Variants in DPP6 observed in about 807,000 individuals in gnomAD.
The protein encoded by DPP6 is dipeptidyl peptidase like 6.
Under a neutral mutation model 122.6 loss-of-function variants are expected in DPP6, and 69 were observed. The ratio of observed to expected loss-of-function variants is 0.56; its 90% CI spans 0.46 to 0.69. DPP6 has a LOEUF of 0.69. Ranked by LOEUF, DPP6 falls within the 30% of genes least tolerant of loss-of-function variation. The pLI, the probability that DPP6 is intolerant of heterozygous loss-of-function variation, is 0.00. For missense variants in DPP6, 928 were observed against 1,116.9 expected, an observed-to-expected ratio of 0.83 and a Z score of 2.41; for synonymous variants, 418 against 433.1, an observed-to-expected ratio of 0.97 and a Z score of 0.43.
chr7:154,450,933 C>T (rs1820307096), intron 2 of DPP6, among the ~76,000 whole-genome samples: 1 of 152,120 alleles, frequency 6.6e-6, no homozygotes, highest in Non-Finnish European at 1.5e-5. Flanking sequence ...ACTGCAGATT[C>T]GATCTTGTGG....
At chr7:153,865,982 C>T in the DPP6 span, among the ~76,000 whole-genome samples, 3 of 152,070 alleles carry the variant, frequency 2.0e-5, no homozygotes, top group East Asian at 3.9e-4. Flanking sequence ...GGACATGAAC[C>T]CATCATTTTT....
At chr7:153,770,219 T>C in the DPP6 span, among the ~76,000 whole-genome samples, 2 of 152,092 alleles carry the variant, frequency 1.3e-5, no homozygotes, top group African/African-American at 2.4e-5. Flanking sequence ...TGAATACTCA[T>C]TGCAACTGGT....
At chr7:154,319,030 G>GC (rs1807686296) in intron 1 of DPP6, among the ~76,000 whole-genome samples, 1 of 152,166 alleles carries the variant, frequency 6.6e-6, no homozygotes, top group African/African-American at 2.4e-5. Flanking sequence ...TCTTTATGTG[G>GC]CCCCCAGGGC....
intron 7 of DPP6, among the ~76,000 whole-genome samples, chr7:154,704,258 A>G (rs1352299093): frequency 2.0e-5 from 3 of 152,256 alleles, no homozygotes; most frequent in Non-Finnish European, 4.4e-5. Context: ...CTACAGTCTC[A>G]GGATAAAACT....
intron 5 of DPP6, among the ~76,000 whole-genome samples, chr7:154,585,360 C>T (rs1236293842): frequency 6.6e-6 from 1 of 152,230 alleles, no homozygotes; most frequent in African/African-American, 2.4e-5. Flanking sequence ...AAAAACCCAA[C>T]AGACTTTCAT....
At chr7:153,832,177 C>T in the DPP6 span, among the ~76,000 whole-genome samples, 2 of 152,296 alleles carry the variant, frequency 1.3e-5, 1 homozygote, top group South Asian at 4.1e-4. Flanking sequence ...ATAATCAAAA[C>T]TTATGGTTGT....
At position 154,758,329 on chromosome 7, in the gene DPP6, C is replaced by T. The variant is rs192129042; in HGVS notation, c.884-11088C>T. ...TGTAGGACCACATGCCTTGTATGTC[C>T]CATTACATTGAAATCTTTTCAGACT... On this transcript the variant is annotated intron_variant, in intron 8 of 25. Transcript: ENST00000377770. 1.5e-4 allele frequency among the ~76,000 whole-genome samples: 23 copies of T among 152,126 alleles called. No individual in the cohort carries two copies. The East Asian group carries it at 4.1e-3, about 27-fold the overall frequency.
chr7:154,500,619 C>T (rs1379726614), intron 3 of DPP6, among the ~76,000 whole-genome samples: 1 of 152,190 alleles, frequency 6.6e-6, no homozygotes, highest in African/African-American at 2.4e-5. Flanking sequence ...TTGACCGCTG[C>T]CATATGAGAC....
chr7:154,694,473 A>G (rs1221179244), intron 7 of DPP6, among the ~76,000 whole-genome samples: 2 of 152,156 alleles, frequency 1.3e-5, no homozygotes, highest in Admixed American at 6.5e-5. Context: ...TTAGCCAGGC[A>G]TGGTGGCGGG....
At chr7:154,458,537 A>G (rs765196823) in intron 2 of DPP6, among the ~76,000 whole-genome samples, 2 of 152,216 alleles carry the variant, frequency 1.3e-5, no homozygotes, top group Non-Finnish European at 2.9e-5. Context: ...TGACACTTGT[A>G]TTTGGGCCCA....
chr7:154,720,453 C>A (rs181949224), intron 7 of DPP6, among the ~76,000 whole-genome samples: 1 of 152,358 alleles, frequency 6.6e-6, no homozygotes, highest in African/African-American at 2.4e-5. Context: ...GAGACCTGAG[C>A]ATTTACCTTG....
At chr7:154,710,163 G>A (rs1315691528) in intron 7 of DPP6, among the ~76,000 whole-genome samples, 1 of 152,210 alleles carries the variant, frequency 6.6e-6, no homozygotes, top group African/African-American at 2.4e-5. Flanking sequence ...ATCCACAAGT[G>A]GGTGTGGAAT....
chr7:153,968,628 A>C (rs1795871658), intron 1 of DPP6: 1 of 151,658 alleles, frequency 6.6e-6, no homozygotes, highest in African/African-American at 2.4e-5. Flanking sequence ...CTAGCTCCTG[A>C]AAACCACTAT....
chr7:154,307,339 T>C (rs11763405), intron 1 of DPP6, among the ~76,000 whole-genome samples: 4,078 of 152,238 alleles, frequency 0.027, 48 homozygotes, highest in Middle Eastern at 0.068. Context: ...TAAACTGATA[T>C]AAAACTGAAG....
chr7:154,177,487 C>T (rs1797862862), intron 1 of DPP6, among the ~76,000 whole-genome samples: 1 of 152,146 alleles, frequency 6.6e-6, no homozygotes, highest in Non-Finnish European at 1.5e-5. Context: ...CTGAGGAAAG[C>T]CAAAGAGGAG....
intron 17 of DPP6, among the ~76,000 whole-genome samples, chr7:154,862,247 A>G (rs1039485290): frequency 2.0e-5 from 3 of 152,230 alleles, no homozygotes; most frequent in African/African-American, 7.2e-5. Context: ...TGAAAGAGGC[A>G]CAGGAAAGGA....
Position 154,013,341 on chromosome 7 carries a change from T to G in DPP6, c.51+125607T>G, listed in dbSNP as rs1318317592. On this transcript the variant is annotated intron_variant, in intron 1 of 25. Transcript: ENST00000404039. ...TTTTAATCATTCGATGTTAGATGTA[T>G]TTAACCACTTTGTTGCCATGTTTAA... Among the ~76,000 whole-genome samples the G allele has an allele frequency of 7.9e-5, 12 of 152,348 alleles. No individual in the cohort carries two copies. The South Asian group carries it at 1.2e-3, about 16-fold the overall frequency.
chr7:154,265,178 A>G (rs1348290323), intron 1 of DPP6, among the ~76,000 whole-genome samples: 1 of 151,390 alleles, frequency 6.6e-6, no homozygotes, highest in East Asian at 1.9e-4. Flanking sequence ...GATGGTGATG[A>G]TAATGATAGT....
rs1325336793 is a variant in DPP6, at chr7:154,446,205, T to C, written c.244-9T>C. The C allele has an allele frequency of 6.4e-7, 1 of 1,573,312 alleles. No homozygotes were observed. The highest frequency in any genetic ancestry group is 1.8e-5 in the Admixed American group (1 of 54,802). ...TCACTGGGGTTTTCTTTGTTGTTGC[T>C]GTTTTTAGGAGCTGGTGGGGAGTAA... On this transcript the variant is annotated splice_polypyrimidine_tract_variant and intron_variant, in intron 1 of 25. Coordinates refer to ENST00000377770, the MANE Select transcript of DPP6 (RefSeq NM_130797.4).
Sources: gnomAD v4.1 joint callset for allele counts (sites outside exome capture counted in the v4.1 genomes callset) on GRCh38, gnomAD v4.1.1 for gene constraint, MANE v1.5 for transcripts, NCBI Gene and HGNC (gene_info 2026-07-23, HGNC 2026-07-21) for gene names.